PSD3: variants seen among roughly 807,000 people sequenced by gnomAD.
PSD3 encodes pleckstrin and Sec7 domain containing 3, also known as PH and SEC7 domain-containing protein 3.
PSD3 carries 49 observed loss-of-function variants against 105.5 expected under a neutral mutation model. That is an observed-to-expected ratio of 0.46 (90% CI 0.37 to 0.59). The LOEUF (loss-of-function observed/expected upper bound fraction) is 0.59, where lower values mean the gene tolerates loss of function less well. PSD3 is among the 20% of genes least tolerant of loss of function. The pLI, the probability that PSD3 is intolerant of heterozygous loss-of-function variation, is 0.00. For missense variants in PSD3, 1,561 were observed against 1,263.8 expected (o/e 1.24, Z -3.57); for synonymous variants, 557 against 457.8 (o/e 1.22, Z -2.77).
At chr8:18,801,437 C>G (rs1810675346) in intron 6 of PSD3, 55 bp from the exon 7 acceptor site, 1 of 986,470 alleles carries the variant, frequency 1.0e-6, no homozygotes, top group Non-Finnish European at 1.6e-6. Flanking sequence ...CTATCACACT[C>G]TTTCATAGTT....
chr8:18,799,726 A>T (rs1309664896), intron 7 of PSD3, among the ~76,000 whole-genome samples: 1 of 152,200 alleles, frequency 6.6e-6, no homozygotes, highest in African/African-American at 2.4e-5. Context: ...ATGGGAGACA[A>T]GTAAATATGA....
chr8:18,587,531 A>G (rs1477488602), intron 12 of PSD3, among the ~76,000 whole-genome samples: 1 of 152,010 alleles, frequency 6.6e-6, no homozygotes, highest in African/African-American at 2.4e-5. Context: ...CATATCTGCT[A>G]TTTTCACCCT....
intron 1 of PSD3, among the ~76,000 whole-genome samples, chr8:18,936,522 G>A (rs1248211721): frequency 2.0e-5 from 3 of 152,130 alleles, no homozygotes; most frequent in African/African-American, 7.2e-5. Context: ...TCAGCACTTT[G>A]GGAGGCCAAA....
At chr8:18,624,759 T>A (rs1806360121) in intron 11 of PSD3, among the ~76,000 whole-genome samples, 2 of 152,218 alleles carry the variant, frequency 1.3e-5, no homozygotes, top group Admixed American at 6.5e-5. Flanking sequence ...TCCTAATCCT[T>A]TATTGGTAAT....
intron 1 of PSD3, among the ~76,000 whole-genome samples, chr8:19,048,237 A>C (rs1236146325): frequency 1.3e-5 from 2 of 152,124 alleles, no homozygotes; most frequent in African/African-American, 4.8e-5. Flanking sequence ...TTGGCTCTTT[A>C]AAGAGAGGTG....
At chr8:18,752,424 A>G (rs1205738846) in intron 9 of PSD3, among the ~76,000 whole-genome samples, 1 of 136,590 alleles carries the variant, frequency 7.3e-6, no homozygotes, top group Non-Finnish European at 1.5e-5. Flanking sequence ...GTGATAAGCA[A>G]TACCACCATC....
Position 19,060,919 on chromosome 8 carries a change from G to A in PSD3, c.324+23287C>T, listed in dbSNP as rs77763353. Among the ~76,000 whole-genome samples, 549 of 152,304 alleles carry A rather than the reference G, an allele frequency of 3.6e-3. 3 individuals carry two copies. The highest frequency in any genetic ancestry group is 0.013 in the African/African-American group (534 of 41,546). On this transcript the variant is annotated intron_variant, in intron 1 of 1. Transcript: ENST00000521475. ...GGTTATCTAGGCATCTTCTTTGGCAGGGTAACAACAGCCCCCTTGTTGAAG... is the reference window on the plus strand; with the variant it reads ...GGTTATCTAGGCATCTTCTTTGGCAAGGTAACAACAGCCCCCTTGTTGAAG...
intron 11 of PSD3, among the ~76,000 whole-genome samples, chr8:18,607,574 T>C (rs760665131): frequency 6.6e-5 from 10 of 151,510 alleles, no homozygotes; most frequent in Non-Finnish European, 1.5e-4. Flanking sequence ...GGAGGCAATG[T>C]CTTGGATAAA....
intron 9 of PSD3, among the ~76,000 whole-genome samples, chr8:18,753,593 A>C (rs1036782181): frequency 2.6e-5 from 4 of 152,174 alleles, no homozygotes; most frequent in Non-Finnish European, 5.9e-5. Context: ...CAAGCAAATA[A>C]AATGTTTTAA....
chr8:18,769,143 G>T (rs1168252758), intron 8 of PSD3, among the ~76,000 whole-genome samples: 1 of 152,110 alleles, frequency 6.6e-6, no homozygotes, highest in African/African-American at 2.4e-5. Context: ...ATATACCTTG[G>T]CAATACCTTT....
At chr8:18,918,199 C>T (rs151071770) in intron 2 of PSD3, among the ~76,000 whole-genome samples, 4 of 152,360 alleles carry the variant, frequency 2.6e-5, no homozygotes, top group African/African-American at 9.6e-5. Flanking sequence ...TTGACACCAG[C>T]TGCTCTGACC....
At chr8:18,648,398 G>A (rs958835616) in intron 10 of PSD3, among the ~76,000 whole-genome samples, 40 of 151,980 alleles carry the variant, frequency 2.6e-4, no homozygotes, top group African/African-American at 9.2e-4. Flanking sequence ...TGGAGGCACT[G>A]TGCCCCTGCC....
intron 9 of PSD3, among the ~76,000 whole-genome samples, chr8:18,745,695 C>T (rs192605241): frequency 6.9e-4 from 105 of 152,296 alleles, no homozygotes; most frequent in Non-Finnish European, 1.2e-4. Context: ...CTTCTAGATC[C>T]GCTCGGCAGG....
rs772318983 is a variant in PSD3 at position 18,872,522 on chromosome 8, G to C, written c.342C>G (p.Val114=). The C allele has an allele frequency of 2.5e-6, 4 of 1,613,956 alleles. No individual in the cohort carries two copies. In the Admixed American group the frequency reaches 6.7e-5, roughly 27 times the overall value. Residue 114 remains valine, a synonymous_variant, in exon 3 of 16, where the codon GTC becomes GTG. Transcript: ENST00000327040. ...LDSVTEGPKD[V]REAPSQSHLK... ...GATGACTTTGAGAGGGGGCCTCTCTGACATCTTTTGGTCCTTCTGTAACAC... is the reference window on the plus strand; with the variant it reads ...GATGACTTTGAGAGGGGGCCTCTCTCACATCTTTTGGTCCTTCTGTAACAC...
chr8:18,591,992 T>C (rs879913749), intron 12 of PSD3, among the ~76,000 whole-genome samples: 1 of 152,092 alleles, frequency 6.6e-6, no homozygotes, highest in Non-Finnish European at 1.5e-5. Context: ...GGCTGATTCT[T>C]CAAATGTGCA....
intron 4 of PSD3, among the ~76,000 whole-genome samples, chr8:18,830,759 C>G (rs958761073): frequency 2.0e-5 from 3 of 152,214 alleles, no homozygotes; most frequent in Non-Finnish European, 2.9e-5. Context: ...ACTGCTCCCA[C>G]TGCAGTGTAG....
intron 9 of PSD3, among the ~76,000 whole-genome samples, chr8:18,660,915 A>T (rs564097851): frequency 6.6e-6 from 1 of 152,348 alleles, no homozygotes; most frequent in African/African-American, 2.4e-5. Flanking sequence ...AATTGCTTAA[A>T]TTACAGAGGT....
At chr8:18,546,649 G>C (rs1474656471) in intron 15 of PSD3, among the ~76,000 whole-genome samples, 1 of 152,092 alleles carries the variant, frequency 6.6e-6, no homozygotes, top group African/African-American at 2.4e-5. Context: ...GAATATTTAA[G>C]ATCTATTATC....
chr8:19,063,184 G>C (rs1452202309), intron 1 of PSD3, among the ~76,000 whole-genome samples: 3 of 152,184 alleles, frequency 2.0e-5, no homozygotes, highest in African/African-American at 4.8e-5. Flanking sequence ...TGTAGTTTCT[G>C]AATACAGGAC....
Sources: allele counts gnomAD v4.1 joint callset (sites outside exome capture counted in the v4.1 genomes callset), GRCh38; gene constraint gnomAD v4.1.1; transcripts MANE v1.5; gene names NCBI Gene and HGNC (gene_info 2026-07-23, HGNC 2026-07-21).